The following ADARB2 variants were observed in gnomAD, a reference collection of about 807,000 sequenced individuals.
ADARB2 encodes adenosine deaminase RNA specific B2 (inactive).
ADARB2 carries 25 observed loss-of-function variants against 62.2 expected under a neutral mutation model. The observed-to-expected ratio is 0.40, with a 90% CI of 0.29 to 0.56. ADARB2 has a LOEUF of 0.56. Among genes scored for constraint, ADARB2 ranks in the 20% least tolerant of loss-of-function variants. The pLI is 0.43. For missense variants in ADARB2, 1,071 were observed against 1,077.4 expected (o/e 0.99, Z 0.08); for synonymous variants, 572 against 500.8 (o/e 1.14, Z -1.90).
At chr10:1,463,001 C>T (rs533115876) in intron 1 of ADARB2, among the ~76,000 whole-genome samples, 36 of 118,750 alleles carry the variant, frequency 3.0e-4, no homozygotes, top group Non-Finnish European at 5.3e-4. Flanking sequence ...AGGGAAAGTA[C>T]GTTTCTGGGG....
At position 1,178,192 on chromosome 10, in the gene ADARB2, G is replaced by C. The variant is rs994291648; in HGVS notation, c.*5001C>G. 1 of 148,122 alleles carries C rather than the reference G, an allele frequency of 6.8e-6. No homozygotes were observed. The highest frequency in any genetic ancestry group is 1.5e-5 in the Non-Finnish European group (1 of 68,304). The allele number at this position is 148,122 out of a possible 1,614,324, so 9.2% of individuals were successfully genotyped here. ...AGACCTCCTCCTGGGTGGGGGCCAC[G>C]GCAGCAGAACAAAGGAGCCAGGAGT... On this transcript the variant is annotated 3_prime_UTR_variant, in exon 10 of 10. Coordinates refer to ENST00000381312, the MANE Select transcript of ADARB2 (RefSeq NM_018702.4).
At chr10:1,565,065 C>T (rs144765632) in intron 1 of ADARB2, among the ~76,000 whole-genome samples, 47 of 152,340 alleles carry the variant, frequency 3.1e-4, no homozygotes, top group Non-Finnish European at 4.3e-4. Flanking sequence ...CCGCTCTCCT[C>T]GCCTGGAATG....
At chr10:1,192,172 C>T (rs1048877827) in intron 8 of ADARB2, among the ~76,000 whole-genome samples, 3 of 152,220 alleles carry the variant, frequency 2.0e-5, no homozygotes, top group African/African-American at 7.2e-5. Flanking sequence ...AACTTACTTT[C>T]CCAAAATTAA....
chr10:1,306,997 A>T (rs1334820377), intron 3 of ADARB2, among the ~76,000 whole-genome samples: 5 of 119,284 alleles, frequency 4.2e-5, no homozygotes, highest in Non-Finnish European at 9.1e-5. Flanking sequence ...AAACCTAGGC[A>T]TTACCATTCA....
At chr10:1,516,882 A>C (rs1832015596) in intron 1 of ADARB2, among the ~76,000 whole-genome samples, 1 of 152,192 alleles carries the variant, frequency 6.6e-6, no homozygotes, top group South Asian at 2.1e-4. Context: ...TGGGTAGTTT[A>C]TTCTAGACAC....
chr10:1,221,735 A>G (rs1020118370), intron 6 of ADARB2, among the ~76,000 whole-genome samples: 6 of 152,258 alleles, frequency 3.9e-5, no homozygotes, highest in Non-Finnish European at 7.3e-5. Context: ...TGTCCCTACA[A>G]AGGACATGAA....
chr10:1,320,799 A>G (rs1831788090), intron 3 of ADARB2, among the ~76,000 whole-genome samples: 1 of 152,220 alleles, frequency 6.6e-6, no homozygotes, highest in South Asian at 2.1e-4. Flanking sequence ...ATATTAGAAT[A>G]CAATGGGCCG....
intron 4 of ADARB2, among the ~76,000 whole-genome samples, chr10:1,249,538 G>T (rs561893566): frequency 7.9e-5 from 12 of 151,780 alleles, no homozygotes. Context: ...AAATGCTTTT[G>T]ATAAAACACT....
chr10:1,441,256 C>T (rs1414454738), intron 1 of ADARB2, among the ~76,000 whole-genome samples: 1 of 152,160 alleles, frequency 6.6e-6, no homozygotes, highest in Non-Finnish European at 1.5e-5. Flanking sequence ...AAATCTTTTA[C>T]CTGCAACTTA....
chr10:1,432,222 T>C (rs574358101), intron 1 of ADARB2, among the ~76,000 whole-genome samples: 1 of 150,986 alleles, frequency 6.6e-6, no homozygotes, highest in Admixed American at 6.6e-5. Flanking sequence ...ATGAATGATA[T>C]CTTTGAATGA....
rs926487349 is a variant in ADARB2, at chr10:1,419,664, T to C, written c.101-40504A>G. Among the ~76,000 whole-genome samples the C allele has an allele frequency of 5.9e-5, 9 of 152,252 alleles. No individual in the cohort carries two copies. In the East Asian group the frequency reaches 1.7e-3, roughly 29 times the overall value. On this transcript the variant is annotated intron_variant, in intron 1 of 9. Coordinates refer to ENST00000381312, the MANE Select transcript of ADARB2 (RefSeq NM_018702.4). ...TGGGTTTTATTAAAGTCTCATGATG[T>C]CTCTAAGCAGTTCTTGTTATATAAC...
chr10:1,190,536 G>C (rs1836828438), intron 8 of ADARB2, among the ~76,000 whole-genome samples: 1 of 152,208 alleles, frequency 6.6e-6, no homozygotes, highest in Non-Finnish European at 1.5e-5. Flanking sequence ...AATCTGTCCT[G>C]TCGTAGCTCT....
At chr10:1,306,976 A>G (rs1289072753) in intron 3 of ADARB2, among the ~76,000 whole-genome samples, 6 of 124,480 alleles carry the variant, frequency 4.8e-5, no homozygotes, top group Middle Eastern at 3.9e-3. Flanking sequence ...AACCATAAAA[A>G]CCCTAGAAGA....
At chr10:1,505,179 A>T (rs539575101) in intron 1 of ADARB2, among the ~76,000 whole-genome samples, 16 of 151,840 alleles carry the variant, frequency 1.1e-4, no homozygotes, top group African/African-American at 3.9e-4. Context: ...GAACACAAAC[A>T]CACAGGCACC....
intron 1 of ADARB2, among the ~76,000 whole-genome samples, chr10:1,558,342 CTG>C (rs1258553005): frequency 1.5e-5 from 2 of 137,694 alleles, no homozygotes; most frequent in African/African-American, 5.6e-5. Flanking sequence ...CATCCCACCT[CTG>C]TCCCATTCTG....
chr10:1,220,466 T>C (rs1830684701), intron 6 of ADARB2, among the ~76,000 whole-genome samples: 1 of 152,054 alleles, frequency 6.6e-6, no homozygotes, highest in Non-Finnish European at 1.5e-5. Flanking sequence ...AAATAGTTCG[T>C]ATGACTCAAA....
intron 3 of ADARB2, among the ~76,000 whole-genome samples, chr10:1,346,470 T>C (rs1832082061): frequency 2.0e-5 from 3 of 152,240 alleles, no homozygotes; most frequent in Admixed American, 1.3e-4. Flanking sequence ...AGACAGTTGT[T>C]GTTGACAGGG....
chr10:1,444,694 A>T (rs1313372546), intron 1 of ADARB2, among the ~76,000 whole-genome samples: 2 of 147,174 alleles, frequency 1.4e-5, no homozygotes, highest in African/African-American at 5.1e-5. Flanking sequence ...CCACTCACTC[A>T]TTCATCCATT....
At chr10:1,727,699 A>G (rs12573210) in intron 1 of ADARB2, among the ~76,000 whole-genome samples, 20,880 of 152,140 alleles carry the variant, frequency 0.14, 1,585 homozygotes, top group East Asian at 0.25. Context: ...ATATATATAT[A>G]TAGTGTTGAG....
Sources: gnomAD v4.1 joint callset for allele counts (sites outside exome capture counted in the v4.1 genomes callset) on GRCh38, gnomAD v4.1.1 for gene constraint, MANE v1.5 for transcripts, NCBI Gene and HGNC (gene_info 2026-07-23, HGNC 2026-07-21) for gene names.